Variants in FARSB observed in about 807,000 individuals in gnomAD.
FARSB encodes phenylalanyl-tRNA synthetase subunit beta.
A neutral mutation model predicts 69.6 loss-of-function variants in FARSB; 40 were observed. The observed-to-expected ratio is 0.57, with a 90% CI of 0.45 to 0.75. FARSB has a LOEUF of 0.75. FARSB is among the 30% of genes least tolerant of loss of function. The pLI, the probability that FARSB is intolerant of heterozygous loss-of-function variation, is 0.00. For synonymous variants in FARSB, 235 were observed against 247.2 expected (o/e 0.95, Z 0.46); for missense variants, 632 against 722.9 (o/e 0.87, Z 1.44).
rs1689688304 is a variant in FARSB at position 222,570,088 on chromosome 2, A to T, written c.*1783T>A. On this transcript the variant is annotated 3_prime_UTR_variant, in exon 17 of 17. Transcript: ENST00000281828. ...TTAAATTTTAGCCATTTTAATGGGT[A>T]TGCAGTTTGTCATTGTGAATTTTAG... Among the ~76,000 whole-genome samples, 1 of 152,168 alleles carries T rather than the reference A, an allele frequency of 6.6e-6. No homozygotes were observed. Among genetic ancestry groups the T allele is most frequent in the Non-Finnish European group, 1.5e-5 (1 of 68,040 alleles).
intron 15 of FARSB, among the ~76,000 whole-genome samples, chr2:222,608,346 C>T (rs1172959806): frequency 2.6e-5 from 4 of 152,046 alleles, no homozygotes; most frequent in African/African-American, 7.2e-5. Context: ...TTTCACAAGC[C>T]CACAATGAAA....
intron 10 of FARSB, 109 bp downstream of exon 10, chr2:222,628,728 A>C: frequency 2.8e-6 from 2 of 727,240 alleles, no homozygotes; most frequent in Non-Finnish European, 4.8e-6. Flanking sequence ...AGCGCCTGGC[A>C]CACGGGTGGG....
rs1691479602 is a variant in FARSB, at chr2:222,633,134, T to C, written c.715+65A>G. ...TGATTCAGCCAAGTCTATTGAGAAT[T>C]CTACAGAAATGCTGAAGATTAAAAG... On this transcript the variant is annotated intron_variant, in intron 7 of 16. Transcript: ENST00000281828. 4.7e-6 allele frequency: 4 copies of C among 844,556 alleles called. No individual in the cohort carries two copies. In the South Asian group the frequency reaches 5.5e-5, roughly 12 times the overall value. 52.3% of individuals were successfully genotyped at this position (844,556 alleles called of 1,614,324 possible). A position where few individuals can be genotyped will look rare whatever the true frequency, so the allele number is the denominator to read the frequency against.
At chr2:222,619,439 G>C (rs932683471) in intron 14 of FARSB, among the ~76,000 whole-genome samples, 1 of 152,028 alleles carries the variant, frequency 6.6e-6, no homozygotes, top group Non-Finnish European at 1.5e-5. Flanking sequence ...CCAGTATGAA[G>C]TTAATCAAGA....
intron 16 of FARSB, among the ~76,000 whole-genome samples, chr2:222,574,659 A>C (rs1476900987): frequency 6.6e-6 from 1 of 152,264 alleles, no homozygotes; most frequent in African/African-American, 2.4e-5. Context: ...GCCCAGTCAT[A>C]AGATTCCTGT....
Position 222,570,136 on chromosome 2 carries a change from G to A in FARSB, c.*1735C>T, listed in dbSNP as rs1312775882. The stretch of plus-strand genomic sequence containing the variant: ...TAGTTGCATTTCCCTGATGACTAAC[G>A]ATGTTGAGGATCTTTTCAAGTGCTC... On this transcript the variant is annotated 3_prime_UTR_variant, in exon 17 of 17. Coordinates refer to ENST00000281828, the MANE Select transcript of FARSB (RefSeq NM_005687.5). Among the ~76,000 whole-genome samples the A allele has an allele frequency of 3.3e-5, 5 of 152,158 alleles. No individual in the cohort carries two copies. Among genetic ancestry groups the A allele is most frequent in the Non-Finnish European group, 5.9e-5 (4 of 68,034 alleles).
At chr2:222,635,659 C>CA (rs750644365) in intron 5 of FARSB, among the ~76,000 whole-genome samples, 6 of 152,088 alleles carry the variant, frequency 3.9e-5, no homozygotes, top group Non-Finnish European at 7.4e-5. Context: ...AAAACATCAC[C>CA]AAAATTTCAA....
chr2:222,609,154 C>T (rs971616426), intron 15 of FARSB, among the ~76,000 whole-genome samples: 4 of 152,176 alleles, frequency 2.6e-5, no homozygotes, highest in African/African-American at 9.7e-5. Flanking sequence ...ACATTGGCAG[C>T]TTCAGTGACC....
intron 15 of FARSB, among the ~76,000 whole-genome samples, chr2:222,613,488 T>C (rs1372994647): frequency 6.6e-6 from 1 of 152,208 alleles, no homozygotes; most frequent in Non-Finnish European, 1.5e-5. Context: ...GAGGTTGCAG[T>C]GAGCTGATAT....
At chr2:222,640,293 G>A (rs1559214698) in intron 4 of FARSB, among the ~76,000 whole-genome samples, 2 of 151,230 alleles carry the variant, frequency 1.3e-5, no homozygotes, top group African/African-American at 4.9e-5. Context: ...GAATTTGAGA[G>A]CAGCCTGGGC....
intron 9 of FARSB, among the ~76,000 whole-genome samples, chr2:222,629,291 T>C (rs923564933): frequency 6.6e-6 from 1 of 152,262 alleles, no homozygotes; most frequent in Non-Finnish European, 1.5e-5. Context: ...TCATGCTTTC[T>C]ACAGTTATAT....
At chr2:222,601,840 T>A (rs1457923541) in intron 15 of FARSB, among the ~76,000 whole-genome samples, 1 of 152,122 alleles carries the variant, frequency 6.6e-6, no homozygotes, top group African/African-American at 2.4e-5. Flanking sequence ...ATTTTTTAAT[T>A]TTTTGCAGAG....
chr2:222,586,813 T>C (rs1489969556), intron 16 of FARSB, among the ~76,000 whole-genome samples: 1 of 152,218 alleles, frequency 6.6e-6, no homozygotes, highest in African/African-American at 2.4e-5. Context: ...CTAACTATCC[T>C]AAATATATAT....
At position 222,656,069 on chromosome 2, in the gene FARSB, G is replaced by C. The variant is rs538600753; in HGVS notation, c.5C>G (p.Pro2Arg). 12 of 1,595,508 alleles carry C rather than the reference G, an allele frequency of 7.5e-6. No individual in the cohort carries two copies. Among genetic ancestry groups the C allele is most frequent in the East Asian group, 2.3e-5 (1 of 43,678 alleles). Reference protein sequence around the residue: MPTVSVKRDLLF... With the variant: MRTVSVKRDLLF... ...CAGATCACGCTTCACGCTGACAGTC[G>C]GCATGGTGTGTCGAACTCACTGCGC... The change falls in exon 1 of 17, where the codon CCG (proline) becomes CGG (arginine). Residue 2 changes from proline (P) to arginine (R), a missense_variant. Transcript: ENST00000281828.
chr2:222,577,610 A>C (rs1689868956), intron 16 of FARSB, among the ~76,000 whole-genome samples: 1 of 152,210 alleles, frequency 6.6e-6, no homozygotes, highest in African/African-American at 2.4e-5. Flanking sequence ...CTTATGCTTC[A>C]AAAGAAATCA....
In FARSB at chr2:222,634,515, G is replaced by C. The variant is rs1691525741; in HGVS notation, c.482C>G (p.Thr161Ser). Residue 161 changes from threonine (T) to serine (S), a missense_variant, in exon 6 of 17, where the codon ACC becomes AGC. Coordinates refer to ENST00000281828, the MANE Select transcript of FARSB (RefSeq NM_005687.5). ...CRKRALVAIG[T>S]HDLDTLSGPF... ...GCCCGACAAAGTGTCCAAATCATGG[G>C]TACCAATGGCAACCAGTGCTCTTTT... 1 of 1,612,834 alleles carries C rather than the reference G, an allele frequency of 6.2e-7. No homozygotes were observed. The highest frequency in any genetic ancestry group is 8.5e-7 in the Non-Finnish European group (1 of 1,179,426).
intron 16 of FARSB, among the ~76,000 whole-genome samples, chr2:222,587,639 A>C (rs1184402877): frequency 6.6e-6 from 1 of 152,204 alleles, no homozygotes; most frequent in Non-Finnish European, 1.5e-5. Flanking sequence ...AAGAGAGAAG[A>C]ATCAAATAGA....
chr2:222,630,066 C>A (rs182982049), intron 9 of FARSB, 47 bp downstream of exon 9: 7 of 1,151,662 alleles, frequency 6.1e-6, no homozygotes, highest in African/African-American at 1.6e-5. Flanking sequence ...CACAAAGCCT[C>A]GCCTTCAGAA....
chr2:222,651,125 G>A (rs1340515132), intron 1 of FARSB, among the ~76,000 whole-genome samples: 2 of 152,164 alleles, frequency 1.3e-5, no homozygotes, highest in Non-Finnish European at 2.9e-5. Context: ...ATGCAGGTGA[G>A]GACATGGAGG....
Sources: gnomAD v4.1 joint callset for allele counts (sites outside exome capture counted in the v4.1 genomes callset) on GRCh38, gnomAD v4.1.1 for gene constraint, MANE v1.5 for transcripts, NCBI Gene and HGNC (gene_info 2026-07-23, HGNC 2026-07-21) for gene names.